Variants in EXOC6 observed in about 807,000 individuals in gnomAD.
EXOC6 encodes the protein exocyst complex component 6, also known as SEC15-like 1.
EXOC6 carries 60 observed loss-of-function variants against 112.5 expected under a neutral mutation model. The ratio of observed to expected loss-of-function variants is 0.53; its 90% CI spans 0.43 to 0.66. EXOC6 has a LOEUF of 0.66. EXOC6 is among the 30% of genes least tolerant of loss of function. The pLI is 0.00. For missense variants in EXOC6, 855 were observed against 957.1 expected, an observed-to-expected ratio of 0.89 and a Z score of 1.41; for synonymous variants, 295 against 308.0, an observed-to-expected ratio of 0.96 and a Z score of 0.44.
intron 20 of EXOC6, among the ~76,000 whole-genome samples, chr10:93,020,716 A>C (rs1271013752): frequency 6.6e-6 from 1 of 152,070 alleles, no homozygotes; most frequent in African/African-American, 2.4e-5. Context: ...CACAGCCACT[A>C]ACTCAGCTTT....
At chr10:92,946,873 C>G (rs1853049045) in intron 13 of EXOC6, among the ~76,000 whole-genome samples, 1 of 152,178 alleles carries the variant, frequency 6.6e-6, no homozygotes, top group Non-Finnish European at 1.5e-5. Flanking sequence ...ATGAGATGTT[C>G]TTCACGTACT....
intron 20 of EXOC6, among the ~76,000 whole-genome samples, chr10:93,052,419 C>T (rs1276085466): frequency 6.6e-6 from 1 of 152,204 alleles, no homozygotes; most frequent in Non-Finnish European, 1.5e-5. Flanking sequence ...AATGGGACCA[C>T]CCATGTAACA....
intron 18 of EXOC6, among the ~76,000 whole-genome samples, chr10:92,979,878 CAG>C: frequency 8.5e-6 from 1 of 117,020 alleles, no homozygotes; most frequent in South Asian, 2.8e-4. Context: ...GCCTGGGCAA[CAG>C]AGGGAGACAC....
chr10:92,963,787 C>G (rs1854150288), intron 17 of EXOC6, among the ~76,000 whole-genome samples: 1 of 152,046 alleles, frequency 6.6e-6, no homozygotes, highest in Non-Finnish European at 1.5e-5. Flanking sequence ...GCCTCTGTAC[C>G]CAGCAAGATA....
At chr10:93,006,434 A>G (rs1437137451) in intron 19 of EXOC6, among the ~76,000 whole-genome samples, 1 of 152,198 alleles carries the variant, frequency 6.6e-6, no homozygotes, top group African/African-American at 2.4e-5. Flanking sequence ...GATGGAGGAT[A>G]CTTTGCCCAG....
At chr10:92,908,743 A>G (rs1850580645) in intron 5 of EXOC6, among the ~76,000 whole-genome samples, 2 of 152,224 alleles carry the variant, frequency 1.3e-5, no homozygotes, top group Admixed American at 1.3e-4. Flanking sequence ...ATGAAAATAT[A>G]TGTCAATTTA....
chr10:92,940,873 G>T, intron 13 of EXOC6, 49 bp downstream of exon 13: 2 of 1,188,908 alleles, frequency 1.7e-6, no homozygotes, highest in South Asian at 1.3e-5. Flanking sequence ...TTTGTCAAAT[G>T]CTCAAGTGGT....
rs149249492 is a variant in EXOC6, at chr10:92,894,952, T to C, written c.344T>C (p.Ile115Thr). The change falls in exon 4 of 22, where the codon ATC becomes ACC. Residue 115 changes from isoleucine (I) to threonine (T), a missense_variant. This residue lies in a region of EXOC6 where 405 missense variants were observed against 393.6 expected (regional missense o/e 1.03). Transcript: ENST00000260762. ...AAGGTGATAGTCCACACAGAAGATA[T>C]CATTCGATGTAGAATTCAGCAGAGA... ...GKEVIVHTED[I>T]IRCRIQQRNI... 3.3e-4 allele frequency: 533 copies of C among 1,612,326 alleles called. No individual in the cohort carries two copies. The highest frequency in any genetic ancestry group is 4.1e-4 in the Non-Finnish European group (478 of 1,178,564).
intron 18 of EXOC6, among the ~76,000 whole-genome samples, chr10:92,988,882 T>TA (rs1427566978): frequency 1.3e-5 from 2 of 151,856 alleles, no homozygotes; most frequent in Non-Finnish European, 2.9e-5. Context: ...CAAACTGGCA[T>TA]ATTCATTGTG....
intron 6 of EXOC6, among the ~76,000 whole-genome samples, chr10:92,910,894 A>T (rs745409368): frequency 4.5e-4 from 69 of 152,216 alleles, no homozygotes; most frequent in Non-Finnish European, 8.4e-4. Flanking sequence ...GCGCCACTGC[A>T]CTCCAGCCTG....
rs1250681223 is a variant in EXOC6 at position 92,894,938 on chromosome 10, C to T, written c.330C>T (p.Val110=). The change falls in exon 4 of 22, where the codon GTC becomes GTT. Residue 110 remains valine, a synonymous_variant. Coordinates refer to ENST00000260762, the MANE Select transcript of EXOC6 (RefSeq NM_019053.6). ...RFQDAGKEVI[V]HTEDIIRCRI... ...ATTCCTTCTTTTCTAAGGTGATAGT[C>T]CACACAGAAGATATCATTCGATGTA... is the stretch of plus-strand genomic sequence containing the variant. 25 of 1,610,696 alleles carry T rather than the reference C, an allele frequency of 1.6e-5. No homozygotes were observed. The highest frequency in any genetic ancestry group is 2.1e-5 in the Non-Finnish European group (25 of 1,177,140).
intron 20 of EXOC6, among the ~76,000 whole-genome samples, chr10:93,038,594 A>C (rs745607664): frequency 9.2e-5 from 14 of 152,176 alleles, no homozygotes; most frequent in Non-Finnish European, 2.9e-5. Flanking sequence ...AGAGTTCTAG[A>C]CTCAAGCAAT....
intron 19 of EXOC6, among the ~76,000 whole-genome samples, chr10:93,007,276 T>C (rs1303613783): frequency 2.6e-5 from 3 of 115,636 alleles, no homozygotes; most frequent in Non-Finnish European, 4.9e-5. Flanking sequence ...GGGCCTGTTT[T>C]CCTACTCAAA....
chr10:92,944,862 T>C (rs112844140), intron 13 of EXOC6, among the ~76,000 whole-genome samples: 1,713 of 151,506 alleles, frequency 0.011, 19 homozygotes, highest in Non-Finnish European at 0.017. Context: ...AACCTCTGCC[T>C]CCCAGGTTCA....
At chr10:93,055,915 C>T (rs935311142) in intron 20 of EXOC6, among the ~76,000 whole-genome samples, 1 of 152,156 alleles carries the variant, frequency 6.6e-6, no homozygotes. Context: ...TTAATCACCC[C>T]AGAGTTTTAT....
At chr10:92,992,324 G>T (rs1426193321) in intron 18 of EXOC6, among the ~76,000 whole-genome samples, 2 of 148,708 alleles carry the variant, frequency 1.3e-5, no homozygotes, top group African/African-American at 4.9e-5. Context: ...TTGTCTTCAA[G>T]GTAGTATTAA....
chr10:92,847,791 C>T (rs1418798145), upstream of EXOC6, among the ~76,000 whole-genome samples: 1 of 151,034 alleles, frequency 6.6e-6, no homozygotes, highest in Non-Finnish European at 1.5e-5. Context: ...CCTGGGGGCA[C>T]CTGAGTTCAC....
chr10:92,871,463 C>T (rs1331406280), intron 1 of EXOC6, among the ~76,000 whole-genome samples: 1 of 146,932 alleles, frequency 6.8e-6, no homozygotes, highest in Admixed American at 6.9e-5. Context: ...TGTGTTCCTG[C>T]ACTCCTGCCT....
intron 7 of EXOC6, among the ~76,000 whole-genome samples, chr10:92,917,002 C>T (rs1170473169): frequency 2.9e-4 from 44 of 149,664 alleles, no homozygotes; most frequent in African/African-American, 9.1e-4. Flanking sequence ...CTCACTGTGT[C>T]GCCCAGGCTG....
Sources: gnomAD v4.1 joint callset for allele counts (sites outside exome capture counted in the v4.1 genomes callset) on GRCh38, gnomAD v4.1.1 for gene constraint, gnomAD v4.1.1 regional missense constraint, MANE v1.5 for transcripts, NCBI Gene and HGNC (gene_info 2026-07-23, HGNC 2026-07-21) for gene names.